PCNX2: variants seen among roughly 807,000 people sequenced by gnomAD.
The protein encoded by PCNX2 is pecanex-like protein 2.
In PCNX2, 168 loss-of-function variants were observed where a neutral mutation model predicts 223.8. The observed-to-expected ratio is 0.75, with a 90% CI of 0.66 to 0.85. PCNX2 has a LOEUF of 0.85. PCNX2 is among the 40% of genes least tolerant of loss of function. The probability of loss-of-function intolerance (pLI) is 0.00; values close to 1 mark genes in which losing one functional copy is unlikely to be tolerated. For synonymous variants in PCNX2, 1,006 were observed against 1,052.6 expected, an observed-to-expected ratio of 0.96 and a Z score of 0.86; for missense variants, 2,507 against 2,675.5, an observed-to-expected ratio of 0.94 and a Z score of 1.39.
chr1:233,289,562 G>T (rs576861694), intron 1 of PCNX2: 14 of 622,100 alleles, frequency 2.3e-5, no homozygotes, highest in Non-Finnish European at 4.0e-5. Context: ...CTTCAGGCAG[G>T]TGAGGGCAGG....
chr1:233,121,798 T>C (rs1431225386), intron 21 of PCNX2, among the ~76,000 whole-genome samples: 1 of 152,170 alleles, frequency 6.6e-6, no homozygotes, highest in African/African-American at 2.4e-5. Flanking sequence ...CAAGTTTAGT[T>C]TAATGCCGAT....
chr1:233,291,779 A>G, intron 1 of PCNX2: 31 of 982,770 alleles, frequency 3.2e-5, no homozygotes, highest in Non-Finnish European at 3.4e-5. Context: ...GACAAAACAC[A>G]TGTAATAAGT....
At chr1:233,066,989 CT>C (rs1220904332) in intron 23 of PCNX2, among the ~76,000 whole-genome samples, 3 of 152,044 alleles carry the variant, frequency 2.0e-5, no homozygotes, top group Non-Finnish European at 4.4e-5. Flanking sequence ...TAACAAGAAA[CT>C]TTCCACCCTC....
At chr1:233,234,046 T>C (rs1658236544) in intron 9 of PCNX2, among the ~76,000 whole-genome samples, 1 of 152,190 alleles carries the variant, frequency 6.6e-6, no homozygotes, top group African/African-American at 2.4e-5. Context: ...CCAGAGCCTA[T>C]TCTAATCAGA....
chr1:232,990,120 G>A lies in PCNX2; in HGVS notation c.5792-3580C>T, dbSNP rs1669641770. ...TTAACTAGAAGGAGGGTGAGAAGGA[G>A]GCCAGAGACTGAAATCAAATCCAGT... On this transcript the variant is annotated intron_variant, in intron 32 of 33. Coordinates refer to ENST00000258229, the MANE Select transcript of PCNX2 (RefSeq NM_014801.4). The surrounding 1 kb of genome is among the most constrained non-coding windows in gnomAD (Gnocchi z 4.3). 6.6e-6 allele frequency among the ~76,000 whole-genome samples: 1 copy of A among 152,228 alleles called. No individual in the cohort carries two copies. Among genetic ancestry groups the A allele is most frequent in the Non-Finnish European group, 1.5e-5 (1 of 68,038 alleles).
chr1:233,319,994 T>A, the PCNX2 span, among the ~76,000 whole-genome samples: 11 of 152,230 alleles, frequency 7.2e-5, no homozygotes, highest in African/African-American at 2.7e-4. Flanking sequence ...ATGCCTGGGT[T>A]AATAGAAGAC....
At chr1:233,005,927 C>T (rs182783363) in intron 28 of PCNX2, among the ~76,000 whole-genome samples, 2 of 152,220 alleles carry the variant, frequency 1.3e-5, no homozygotes, top group Admixed American at 1.3e-4. Flanking sequence ...AGCCCCCACT[C>T]GCACGCCTGT....
chr1:233,026,332 T>C (rs777093990), intron 25 of PCNX2, among the ~76,000 whole-genome samples: 1 of 152,182 alleles, frequency 6.6e-6, no homozygotes, highest in Non-Finnish European at 1.5e-5. Context: ...CGAAAGTCTA[T>C]AGTGGAGGGC....
chr1:233,033,163 A>G lies in PCNX2; in HGVS notation c.4352-7764T>C, dbSNP rs1473360307. ...ATTTCCATTGAAACTGACTCTTGGC[A>G]CCTTTAATTGTGGCTGTGTTTGCAC... On this transcript the variant is annotated intron_variant, in intron 25 of 33. Coordinates refer to ENST00000258229, the MANE Select transcript of PCNX2 (RefSeq NM_014801.4). 3 of 985,292 alleles carry G rather than the reference A, an allele frequency of 3.0e-6. No homozygotes were observed. The East Asian group carries it at 3.4e-4, about 112-fold the overall frequency. The allele number at this position is 985,292 out of a possible 1,614,324, so 61.0% of individuals were successfully genotyped here. A position where few individuals can be genotyped will look rare whatever the true frequency, so the allele number is the denominator to read the frequency against.
intron 21 of PCNX2, among the ~76,000 whole-genome samples, chr1:233,119,109 C>T (rs902359419): frequency 6.6e-6 from 1 of 152,000 alleles, no homozygotes; most frequent in Admixed American, 6.6e-5. Flanking sequence ...GAAGGAAAGA[C>T]AGTCATTTCA....
upstream of PCNX2, among the ~76,000 whole-genome samples, chr1:233,296,328 A>G (rs1662119528): frequency 2.6e-5 from 4 of 152,102 alleles, no homozygotes; most frequent in Admixed American, 2.6e-4. Flanking sequence ...CCTGTTGTCC[A>G]ACTTGGTGGA....
chr1:233,023,329 C>T (rs980622734), intron 26 of PCNX2, among the ~76,000 whole-genome samples: 3 of 152,190 alleles, frequency 2.0e-5, no homozygotes, highest in African/African-American at 7.2e-5. Context: ...GTACACTTTC[C>T]AGACCCTCTT....
intron 31 of PCNX2, 94 bp from the exon 32 acceptor site, chr1:232,998,532 G>A (rs758277227): frequency 3.5e-6 from 5 of 1,415,282 alleles, no homozygotes; most frequent in Middle Eastern, 1.8e-4. Flanking sequence ...CGGGATCGAA[G>A]AGCGTGCTCT....
Position 233,139,257 on chromosome 1 carries a change from A to G in PCNX2, c.3659+457T>C, listed in dbSNP as rs1558271874. 6.6e-6 allele frequency among the ~76,000 whole-genome samples: 1 copy of G among 152,218 alleles called. No individual in the cohort carries two copies. The highest frequency in any genetic ancestry group is 1.5e-5 in the Non-Finnish European group (1 of 68,042). ...TCTCTGTGCCAGTTTTTAAATTACG[A>G]GGCTTCTCTTGATAAATTCAGAGAC... On this transcript the variant is annotated intron_variant, in intron 20 of 33. Transcript: ENST00000258229. The surrounding 1 kb of genome is among the most constrained non-coding windows in gnomAD (Gnocchi z 4.4).
chr1:233,017,244 A>AC, intron 26 of PCNX2, 90 bp from the exon 27 acceptor site: 4 of 964,832 alleles, frequency 4.1e-6, no homozygotes, highest in Non-Finnish European at 6.2e-6. Context: ...TGAAATCCCT[A>AC]CATGTGGTAT....
chr1:233,163,696 C>G (rs888136472), intron 17 of PCNX2, among the ~76,000 whole-genome samples: 1 of 151,920 alleles, frequency 6.6e-6, no homozygotes, highest in African/African-American at 2.4e-5. Context: ...CCTAATCTAT[C>G]CCTTTCCTCA....
intron 10 of PCNX2, among the ~76,000 whole-genome samples, chr1:233,218,943 G>A (rs1314188903): frequency 1.3e-5 from 2 of 152,128 alleles, no homozygotes; most frequent in African/African-American, 4.8e-5. Context: ...CGAGTTTACT[G>A]TCAAATTTCA....
chr1:233,054,507 T>A, intron 24 of PCNX2, 24 bp from the exon 25 acceptor site: 1 of 1,565,814 alleles, frequency 6.4e-7, no homozygotes, highest in Non-Finnish European at 8.8e-7. Flanking sequence ...AGAAATATGA[T>A]CAGTGAATGC....
chr1:233,155,166 C>T (rs1390633762), intron 19 of PCNX2, among the ~76,000 whole-genome samples: 1 of 151,754 alleles, frequency 6.6e-6, no homozygotes, highest in Non-Finnish European at 1.5e-5. Flanking sequence ...TCATAGTGCA[C>T]TACAGCCTCT....
Sources: gnomAD v4.1 joint callset for allele counts (sites outside exome capture counted in the v4.1 genomes callset) on GRCh38, gnomAD v4.1.1 for gene constraint, Gnocchi (gnomAD v3.1) non-coding constraint, MANE v1.5 for transcripts, NCBI Gene and HGNC (gene_info 2026-07-23, HGNC 2026-07-21) for gene names.